GPR176: variants seen among roughly 807,000 people sequenced by gnomAD.
GPR176 encodes G protein-coupled receptor 176, also known as G-protein coupled receptor 176.
In GPR176, 26 loss-of-function variants were observed where a neutral mutation model predicts 35.4. That is an observed-to-expected ratio of 0.74 (90% confidence interval 0.54 to 1.02). GPR176 has a LOEUF of 1.02. GPR176 is among the 50% of genes least tolerant of loss of function. The pLI is 0.00. For missense variants in GPR176, 597 were observed against 665.3 expected, an observed-to-expected ratio of 0.90 and a Z score of 1.13; for synonymous variants, 278 against 271.3, an observed-to-expected ratio of 1.02 and a Z score of -0.24.
chr15:39,912,602 A>G (rs1181432906), intron 1 of GPR176, among the ~76,000 whole-genome samples: 2 of 149,480 alleles, frequency 1.3e-5, no homozygotes, highest in African/African-American at 5.0e-5. Flanking sequence ...TGGGTGACAG[A>G]GTGAGACCCT....
At chr15:39,885,991 T>C (rs275736) in intron 1 of GPR176, among the ~76,000 whole-genome samples, 79 of 152,296 alleles carry the variant, frequency 5.2e-4, no homozygotes, top group African/African-American at 1.8e-3. Flanking sequence ...CCCAACATTT[T>C]GGGAGGCCAA....
intron 1 of GPR176, among the ~76,000 whole-genome samples, chr15:39,810,100 G>A (rs1356526305): frequency 4.0e-5 from 6 of 150,276 alleles, no homozygotes; most frequent in South Asian, 4.2e-4. Flanking sequence ...AGCTGAGATC[G>A]TGCCACTCCA....
intron 1 of GPR176, among the ~76,000 whole-genome samples, chr15:39,841,993 G>A (rs1458945742): frequency 6.6e-6 from 1 of 152,062 alleles, no homozygotes; most frequent in Non-Finnish European, 1.5e-5. Context: ...AACCCACTGA[G>A]GGGGCCCCTT....
At chr15:39,846,640 T>C (rs1434404540) in intron 1 of GPR176, among the ~76,000 whole-genome samples, 2 of 152,156 alleles carry the variant, frequency 1.3e-5, no homozygotes, top group Non-Finnish European at 2.9e-5. Flanking sequence ...TGAAAGTAGA[T>C]TTCTCACTAG....
intron 1 of GPR176, among the ~76,000 whole-genome samples, chr15:39,871,963 G>C (rs543285720): frequency 6.6e-6 from 1 of 152,340 alleles, no homozygotes; most frequent in Non-Finnish European, 1.5e-5. Flanking sequence ...TAGCAAATTA[G>C]ATTGCTTTTT....
At chr15:39,891,850 A>C (rs1484850796) in intron 1 of GPR176, among the ~76,000 whole-genome samples, 1 of 152,196 alleles carries the variant, frequency 6.6e-6, no homozygotes, top group Non-Finnish European at 1.5e-5. Context: ...AAAAAAATAA[A>C]ATTAAAATTA....
intron 1 of GPR176, among the ~76,000 whole-genome samples, chr15:39,869,121 A>G (rs2140836727): frequency 6.7e-6 from 1 of 149,304 alleles, no homozygotes; most frequent in African/African-American, 2.5e-5. Context: ...TTCAAGTGGC[A>G]GCACTGTCCT....
intron 1 of GPR176, among the ~76,000 whole-genome samples, chr15:39,897,435 C>CGTT (rs1003412778): frequency 1.5e-4 from 23 of 152,282 alleles, no homozygotes; most frequent in African/African-American, 5.3e-4. Flanking sequence ...ACTTATCTCT[C>CGTT]AAACACACAC....
chr15:39,895,032 C>T lies in GPR176; in HGVS notation c.172+24823G>A, dbSNP rs2033058191. Among the ~76,000 whole-genome samples, 3 of 152,208 alleles carry T rather than the reference C, an allele frequency of 2.0e-5. 1 individual carries two copies. In the South Asian group the frequency reaches 6.2e-4, roughly 31 times the overall value. ...TCACTTGCAGTTAGGGGTTGGAGAC[C>T]GGCCTGGCCAACATAGCGAAACCCG... On this transcript the variant is annotated intron_variant, in intron 1 of 2. Coordinates refer to ENST00000561100, the MANE Select transcript of GPR176 (RefSeq NM_007223.3).
intron 1 of GPR176, among the ~76,000 whole-genome samples, chr15:39,894,720 C>G (rs2033043368): frequency 6.6e-6 from 1 of 151,880 alleles, no homozygotes; most frequent in Non-Finnish European, 1.5e-5. Context: ...GGCGGAGACG[C>G]TCCTCACTTT....
chr15:39,890,944 G>A (rs991729271), intron 1 of GPR176, among the ~76,000 whole-genome samples: 3 of 152,224 alleles, frequency 2.0e-5, no homozygotes, highest in African/African-American at 7.2e-5. Context: ...GTTTAATGGA[G>A]TAAGACAGAA....
At chr15:39,862,044 C>A (rs1297813220) in intron 1 of GPR176, 1 of 152,222 alleles carries the variant, frequency 6.6e-6, no homozygotes, top group African/African-American at 2.4e-5. Flanking sequence ...GAACTGCTGA[C>A]CCTCTTGGCT....
At chr15:39,886,233 C>CAA (rs199875897) in intron 1 of GPR176, among the ~76,000 whole-genome samples, 2 of 140,796 alleles carry the variant, frequency 1.4e-5, no homozygotes, top group South Asian at 4.5e-4. Context: ...AATTCTGTCT[C>CAA]AAAAAAAAAA....
intron 1 of GPR176, among the ~76,000 whole-genome samples, chr15:39,828,073 C>T (rs1900803811): frequency 6.6e-6 from 1 of 152,198 alleles, no homozygotes; most frequent in Non-Finnish European, 1.5e-5. Context: ...CAACTTTCCA[C>T]CCCTAGCTAG....
chr15:39,836,592 C>A (rs941273730), intron 1 of GPR176, among the ~76,000 whole-genome samples: 1 of 152,022 alleles, frequency 6.6e-6, no homozygotes, highest in Admixed American at 6.6e-5. Context: ...ATAAATGGAC[C>A]AACACAAACA....
intron 1 of GPR176, among the ~76,000 whole-genome samples, chr15:39,878,319 T>C (rs1471196357): frequency 6.6e-6 from 1 of 152,200 alleles, no homozygotes; most frequent in Non-Finnish European, 1.5e-5. Flanking sequence ...TACCCTCTGC[T>C]TCCATGAGTT....
intron 1 of GPR176, chr15:39,861,981 C>CT (rs2031614526): frequency 6.6e-6 from 1 of 152,270 alleles, no homozygotes; most frequent in Admixed American, 6.5e-5. Context: ...GTGTAGGACC[C>CT]TTTTCTCCTC....
At chr15:39,830,816 G>T (rs528836774) in intron 1 of GPR176, among the ~76,000 whole-genome samples, 1 of 152,198 alleles carries the variant, frequency 6.6e-6, no homozygotes, top group Admixed American at 6.6e-5. Flanking sequence ...AGAAATGTTA[G>T]AATATGAAAG....
At chr15:39,917,283 C>T (rs1221131544) in intron 1 of GPR176, among the ~76,000 whole-genome samples, 8 of 149,768 alleles carry the variant, frequency 5.3e-5, no homozygotes, top group African/African-American at 2.0e-4. Flanking sequence ...AGCGAAACTC[C>T]GTCTCAAAAA....
Sources: allele counts gnomAD v4.1 joint callset (sites outside exome capture counted in the v4.1 genomes callset), GRCh38; gene constraint gnomAD v4.1.1; transcripts MANE v1.5; gene names NCBI Gene and HGNC (gene_info 2026-07-23, HGNC 2026-07-21).